The following DAPK1 variants were observed in gnomAD, a reference collection of about 807,000 sequenced individuals.
DAPK1 encodes the protein death-associated protein kinase 1.
In DAPK1, 56 loss-of-function variants were observed where a neutral mutation model predicts 144.9. The ratio of observed to expected loss-of-function variants is 0.39; its 90% CI spans 0.31 to 0.48. The LOEUF (loss-of-function observed/expected upper bound fraction) is 0.48. DAPK1 is among the 20% of genes least tolerant of loss of function. The probability of loss-of-function intolerance (pLI) is 0.95; values close to 1 mark genes in which losing one functional copy is unlikely to be tolerated. For synonymous variants in DAPK1, 690 were observed against 749.0 expected (o/e 0.92, Z 1.29); for missense variants, 1,454 against 1,875.4 (o/e 0.78, Z 4.15).
chr9:87,680,655 G>GCACA (rs925379713), intron 19 of DAPK1, among the ~76,000 whole-genome samples: 15 of 150,964 alleles, frequency 9.9e-5, no homozygotes, highest in South Asian at 6.3e-4. Flanking sequence ...ACACACACGC[G>GCACA]CACACACACA....
At chr9:87,640,186 C>T (rs369752319) in intron 7 of DAPK1, 112 bp from the exon 8 acceptor site, 2 of 1,074,360 alleles carry the variant, frequency 1.9e-6, no homozygotes, top group South Asian at 3.2e-5. Flanking sequence ...CAAACTGTGA[C>T]TATTCGAGCA....
intron 21 of DAPK1, among the ~76,000 whole-genome samples, chr9:87,693,981 T>G (rs888317866): frequency 6.6e-6 from 1 of 152,140 alleles, no homozygotes. Context: ...ATGCCTGTCC[T>G]TGGGCCCCAG....
chr9:87,575,749 C>T (rs772501314), intron 2 of DAPK1, among the ~76,000 whole-genome samples: 1 of 152,102 alleles, frequency 6.6e-6, no homozygotes, highest in Non-Finnish European at 1.5e-5. Flanking sequence ...TTTGACCTAA[C>T]AGCAAACACA....
At chr9:87,571,498 A>AACACACACACACAC (rs768913480) in intron 2 of DAPK1, among the ~76,000 whole-genome samples, 951 of 46,466 alleles carry the variant, frequency 0.02, 127 homozygotes, top group Middle Eastern at 0.06. Context: ...CACACACCCC[A>AACACACACACACAC]ACACACACAC....
Position 87,707,080 on chromosome 9 carries a change from C to T in DAPK1, c.4009C>T (p.Pro1337Ser). The T allele has an allele frequency of 3.7e-6, 6 of 1,614,062 alleles. No individual in the cohort carries two copies. Among genetic ancestry groups the T allele is most frequent in the Non-Finnish European group, 5.1e-6 (6 of 1,179,940 alleles). The change falls in exon 26 of 26, where the codon CCT (proline) becomes TCT (serine). Residue 1337 changes from proline to serine, a missense_variant. Physicochemically the swap from Pro to Ser is moderately conservative, Grantham distance 74. Transcript: ENST00000408954. The surrounding 1 kb of genome is among the most constrained non-coding windows in gnomAD (Gnocchi z 4.0). Reference sequence around the variant, plus strand: ...CCTTCTCGCCATGAACTTAGGCCTCCCTGACCTCGTGGCAAAGTACAACAC... The same window carrying T: ...CCTTCTCGCCATGAACTTAGGCCTCTCTGACCTCGTGGCAAAGTACAACAC... ...WCLLAMNLGL[P>S]DLVAKYNTSN... is the part of the protein sequence containing the mutation.
Position 87,707,723 on chromosome 9 carries a change from A to G in DAPK1, c.*359A>G, listed in dbSNP as rs1825692392. On this transcript the variant is annotated 3_prime_UTR_variant, in exon 26 of 26. Coordinates refer to ENST00000408954, the MANE Select transcript of DAPK1 (RefSeq NM_004938.4). The surrounding 1 kb of genome is among the most constrained non-coding windows in gnomAD (Gnocchi z 4.0). The stretch of plus-strand genomic sequence containing the variant: ...CTTTTCAATGACATTTTTTTTAACT[A>G]CTATATTGATTGTCCTTTAAAAAAG... 1 of 434,172 alleles carries G rather than the reference A, an allele frequency of 2.3e-6. No individual in the cohort carries two copies. Among genetic ancestry groups the G allele is most frequent in the East Asian group, 6.1e-5 (1 of 16,268 alleles). 26.9% of individuals were successfully genotyped at this position (434,172 alleles called of 1,614,324 possible).
intron 17 of DAPK1, among the ~76,000 whole-genome samples, chr9:87,656,891 T>G (rs1830648061): frequency 6.6e-6 from 1 of 152,178 alleles, no homozygotes; most frequent in Admixed American, 6.5e-5. Context: ...ACAAAAATGT[T>G]AAACAGGGAC....
intron 2 of DAPK1, among the ~76,000 whole-genome samples, chr9:87,504,815 T>C (rs2118032602): frequency 6.6e-6 from 1 of 152,366 alleles, no homozygotes; most frequent in Non-Finnish European, 1.5e-5. Flanking sequence ...TCTAGATTAC[T>C]TACAATACTT....
chr9:87,666,451 T>TTA (rs199551353), intron 18 of DAPK1, among the ~76,000 whole-genome samples: 3,386 of 151,332 alleles, frequency 0.022, 65 homozygotes, highest in East Asian at 0.074. Context: ...CATTTTTATT[T>TTA]TATATATATA....
At chr9:87,658,184 C>T in intron 18 of DAPK1, 57 bp downstream of exon 18, 2 of 723,898 alleles carry the variant, frequency 2.8e-6, no homozygotes, top group South Asian at 1.6e-5. Flanking sequence ...CTGGCGCCTC[C>T]AGGGCAGGAG....
Position 87,637,820 on chromosome 9 carries a change from C to T in DAPK1, c.285-123C>T, listed in dbSNP as rs1017442555. 5.0e-5 allele frequency: 52 copies of T among 1,035,708 alleles called. No homozygotes were observed. In the Admixed American group the frequency reaches 5.1e-4, roughly 10 times the overall value. The allele number at this position is 1,035,708 out of a possible 1,614,324, so 64.2% of individuals were successfully genotyped here. A position where few individuals can be genotyped will look rare whatever the true frequency, so the allele number is the denominator to read the frequency against. On this transcript the variant is annotated intron_variant, in intron 3 of 25. Transcript: ENST00000408954. ...CAGAGAATTCTGAATCCATGCTTGG[C>T]GGTTTCAGCATAGTCTTTATGCTGT...
At chr9:87,579,828 T>TCATTCATCCTTCCATC (rs1827688675) in intron 2 of DAPK1, among the ~76,000 whole-genome samples, 1 of 152,172 alleles carries the variant, frequency 6.6e-6, no homozygotes, top group Non-Finnish European at 1.5e-5. Flanking sequence ...AGCCATCCAT[T>TCATTCATCCTTCCATC]CATTCATCCT....
rs73654465 is a variant in DAPK1, at chr9:87,601,882, G to C, written c.63-3072G>C. Among the ~76,000 whole-genome samples the C allele has an allele frequency of 5.3e-3, 809 of 152,270 alleles. 5 individuals are homozygous for C. Among genetic ancestry groups the C allele is most frequent in the African/African-American group, 0.018 (759 of 41,558 alleles). ...CAGAACACTTTGTCTAACTCCTCGG[G>C]TTCTCAGGGTTATAGATTCAGGCGT... is the stretch of plus-strand genomic sequence containing the variant. On this transcript the variant is annotated intron_variant, in intron 2 of 25. Coordinates refer to ENST00000408954, the MANE Select transcript of DAPK1 (RefSeq NM_004938.4).
chr9:87,559,300 G>GTAGGC (rs1026300462), intron 2 of DAPK1, among the ~76,000 whole-genome samples: 2 of 151,866 alleles, frequency 1.3e-5, no homozygotes, highest in African/African-American at 4.8e-5. Flanking sequence ...GTAGGCTAGG[G>GTAGGC]TAGGCTAGGC....
intron 2 of DAPK1, among the ~76,000 whole-genome samples, chr9:87,555,596 C>T (rs562938249): frequency 2.0e-5 from 3 of 151,476 alleles, no homozygotes; most frequent in South Asian, 2.1e-4. Flanking sequence ...CTCTGCCTCC[C>T]GGGTTCAAGC....
At chr9:87,605,324 C>T in intron 3 of DAPK1, 149 bp downstream of exon 3, 1 of 663,252 alleles carries the variant, frequency 1.5e-6, no homozygotes, top group Non-Finnish European at 2.6e-6. Context: ...TGCCGTGCTG[C>T]CTGACCTGAA....
chr9:87,531,239 G>A (rs1416247435), intron 2 of DAPK1, among the ~76,000 whole-genome samples: 1 of 152,152 alleles, frequency 6.6e-6, no homozygotes, highest in African/African-American at 2.4e-5. Context: ...TCTGACTAGA[G>A]GGCTGGTCTA....
chr9:87,566,311 G>A (rs1587724644), intron 2 of DAPK1, among the ~76,000 whole-genome samples: 1 of 152,152 alleles, frequency 6.6e-6, no homozygotes, highest in Non-Finnish European at 1.5e-5. Flanking sequence ...GTGAGCCACT[G>A]TACCCGGCCC....
At chr9:87,630,054 C>T (rs941805371) in intron 3 of DAPK1, among the ~76,000 whole-genome samples, 11 of 152,114 alleles carry the variant, frequency 7.2e-5, no homozygotes, top group Admixed American at 3.9e-4. Flanking sequence ...AGACAGCCCC[C>T]GAGCTGCTTC....
Sources: allele counts gnomAD v4.1 joint callset (sites outside exome capture counted in the v4.1 genomes callset), GRCh38; gene constraint gnomAD v4.1.1; non-coding constraint Gnocchi (gnomAD v3.1); transcripts MANE v1.5; gene names NCBI Gene and HGNC (gene_info 2026-07-23, HGNC 2026-07-21).